Variants in THADA observed in about 807,000 individuals in gnomAD.
THADA encodes tRNA (32-2'-O)-methyltransferase regulator THADA.
THADA carries 213 observed loss-of-function variants against 219.8 expected under a neutral mutation model. The observed-to-expected ratio is 0.97, with a 90% CI of 0.87 to 1.09. The LOEUF (loss-of-function observed/expected upper bound fraction) is 1.09, where lower values mean the gene tolerates loss of function less well. Among genes scored for constraint, THADA ranks in the 50% least tolerant of loss-of-function variants. The probability of loss-of-function intolerance (pLI) is 0.00; values close to 1 mark genes in which losing one functional copy is unlikely to be tolerated. For synonymous variants in THADA, 1,018 were observed against 828.9 expected (o/e 1.23, Z -3.92); for missense variants, 2,956 against 2,311.3 (o/e 1.28, Z -5.72).
chr2:43,536,229 C>T (rs377534808), intron 21 of THADA, among the ~76,000 whole-genome samples: 2 of 152,110 alleles, frequency 1.3e-5, no homozygotes, highest in Non-Finnish European at 2.9e-5. Flanking sequence ...AATGAGAGTT[C>T]GTGGAGCCTT....
At chr2:43,291,537 C>T (rs991677832) in intron 34 of THADA, among the ~76,000 whole-genome samples, 159 bp downstream of exon 34, 4 of 146,006 alleles carry the variant, frequency 2.7e-5, no homozygotes, top group Non-Finnish European at 4.5e-5. Context: ...TGAAGTTATA[C>T]TCGAATTGAA....
At chr2:43,422,676 T>C (rs1006864730) in intron 28 of THADA, among the ~76,000 whole-genome samples, 1 of 152,232 alleles carries the variant, frequency 6.6e-6, no homozygotes, top group Non-Finnish European at 1.5e-5. Context: ...TATATATCTC[T>C]ATTAAATGTT....
chr2:43,459,460 T>C (rs1273152886), intron 26 of THADA, among the ~76,000 whole-genome samples: 7 of 152,322 alleles, frequency 4.6e-5, no homozygotes, highest in Middle Eastern at 3.4e-3. Context: ...GGCACTGCTC[T>C]AGGTGTTGAA....
Position 43,577,140 on chromosome 2 carries a change from C to G in THADA, c.919G>C (p.Val307Leu). 1 of 1,611,916 alleles carries G rather than the reference C, an allele frequency of 6.2e-7. No homozygotes were observed. Among genetic ancestry groups the G allele is most frequent in the Non-Finnish European group, 8.5e-7 (1 of 1,179,118 alleles). The change falls in exon 10 of 38, where the codon GTC becomes CTC. Residue 307 changes from valine to leucine, a missense_variant. Transcript: ENST00000405975. The part of the protein sequence containing the change: ...LCCGDISQSA[V>L]LFLCQGTLAM... ...AGTGTCCCCTGACAGAGGAATAAGA[C>G]AGCTGACTGAGAGATGTCACCACAA...
intron 26 of THADA, among the ~76,000 whole-genome samples, chr2:43,439,198 C>G (rs1025693638): frequency 1.3e-5 from 2 of 152,066 alleles, no homozygotes; most frequent in East Asian, 3.9e-4. Flanking sequence ...CGGAAAATTC[C>G]AGAACTAAAC....
intron 36 of THADA, among the ~76,000 whole-genome samples, chr2:43,258,638 G>A (rs1015657736): frequency 6.6e-6 from 1 of 152,178 alleles, no homozygotes; most frequent in African/African-American, 2.4e-5. Context: ...TTACACAAGA[G>A]ACCAAATCAT....
intron 15 of THADA, among the ~76,000 whole-genome samples, chr2:43,560,711 T>C (rs756925811): frequency 2.0e-5 from 3 of 152,070 alleles, no homozygotes; most frequent in Non-Finnish European, 4.4e-5. Flanking sequence ...TAATAAAACT[T>C]CTTGACCTAG....
intron 26 of THADA, among the ~76,000 whole-genome samples, chr2:43,461,188 T>C (rs949411224): frequency 6.6e-6 from 1 of 152,208 alleles, no homozygotes; most frequent in African/African-American, 2.4e-5. Context: ...TAATGAACTG[T>C]GTCTGGGTCT....
chr2:43,238,344 C>G (rs1472208921), intron 36 of THADA, among the ~76,000 whole-genome samples: 1 of 152,028 alleles, frequency 6.6e-6, no homozygotes, highest in African/African-American at 2.4e-5. Context: ...ATAAAGAACT[C>G]TTAATACTCT....
At chr2:43,589,089 G>C (rs1442854440) in intron 4 of THADA, among the ~76,000 whole-genome samples, 2 of 152,034 alleles carry the variant, frequency 1.3e-5, no homozygotes, top group African/African-American at 4.8e-5. Flanking sequence ...ATTACAAATA[G>C]TATTACCATA....
chr2:43,372,478 T>C lies in THADA; in HGVS notation c.4227+25493A>G, dbSNP rs1049223833. Among the ~76,000 whole-genome samples, 5 of 152,186 alleles carry C rather than the reference T, an allele frequency of 3.3e-5. No individual in the cohort carries two copies. The East Asian group carries it at 9.6e-4, about 29-fold the overall frequency. ...CTAGAAAAATCTCACTCTTTTTTAA[T>C]GATGAAGTGACAGGTGAAGTGGCCA... On this transcript the variant is annotated intron_variant, in intron 29 of 37. Transcript: ENST00000405975.
intron 28 of THADA, among the ~76,000 whole-genome samples, chr2:43,403,397 T>C (rs1253604344): frequency 1.3e-5 from 2 of 152,216 alleles, no homozygotes; most frequent in African/African-American, 2.4e-5. Flanking sequence ...AGGCTCTATA[T>C]GTGGTACCTC....
chr2:43,529,208 A>C (rs905605349), intron 21 of THADA, among the ~76,000 whole-genome samples: 4 of 151,796 alleles, frequency 2.6e-5, no homozygotes, highest in Non-Finnish European at 1.5e-5. Flanking sequence ...GCTGGAGTGC[A>C]GTGGCACAAT....
intron 29 of THADA, among the ~76,000 whole-genome samples, chr2:43,357,660 T>C (rs1468626486): frequency 6.6e-6 from 1 of 152,194 alleles, no homozygotes; most frequent in Non-Finnish European, 1.5e-5. Flanking sequence ...GGGATAGTCC[T>C]ACATATATCC....
chr2:43,506,214 A>G (rs553387343), intron 23 of THADA, among the ~76,000 whole-genome samples: 26 of 152,212 alleles, frequency 1.7e-4, no homozygotes, highest in Non-Finnish European at 2.9e-4. Flanking sequence ...CAAAAGAATC[A>G]TTACTTGGAG....
chr2:43,568,123 G>A lies in THADA; in HGVS notation c.2188-1302C>T, dbSNP rs966056814. ...TTACTAGCTGAGGAACCTTACACAG[G>A]TTATTGAACTTCACTGAGCTTCAGC... On this transcript the variant is annotated intron_variant, in intron 14 of 37. Coordinates refer to ENST00000405975, the MANE Select transcript of THADA (RefSeq NM_022065.5). Among the ~76,000 whole-genome samples, 15 of 152,152 alleles carry A rather than the reference G, an allele frequency of 9.9e-5. 1 individual carries two copies. Among genetic ancestry groups the A allele is most frequent in the African/African-American group, 3.6e-4 (15 of 41,420 alleles).
rs376783414 is a variant in THADA, at chr2:43,556,519, A to C, written c.2500T>G (p.Leu834Val). Residue 834 changes from leucine (L) to valine (V), a missense_variant, in exon 17 of 38, where the codon TTG (leucine) becomes GTG (valine). Leu to Val is a conservative substitution (Grantham distance 32, BLOSUM62 1). Coordinates refer to ENST00000405975, the MANE Select transcript of THADA (RefSeq NM_022065.5). ...GKLQGLFQAA[L>V]ELSTSTKPYD... Reference sequence around the variant, plus strand: ...GGTTTGGTGCTTGTGCTGAGCTCCAATGCTGCCTGAAATAAGCCTTGCAGT... The same window carrying C: ...GGTTTGGTGCTTGTGCTGAGCTCCACTGCTGCCTGAAATAAGCCTTGCAGT... 5 of 1,613,732 alleles carry C rather than the reference A, an allele frequency of 3.1e-6. No homozygotes were observed. The highest frequency in any genetic ancestry group is 2.2e-5 in the South Asian group (2 of 91,090).
At chr2:43,539,802 G>T (rs567543970) in intron 21 of THADA, among the ~76,000 whole-genome samples, 27 of 145,010 alleles carry the variant, frequency 1.9e-4, no homozygotes, top group African/African-American at 6.5e-4. Flanking sequence ...TGTGATAATT[G>T]TTTTTTTTTT....
chr2:43,518,305 A>C (rs922360105), intron 22 of THADA, among the ~76,000 whole-genome samples: 1 of 152,338 alleles, frequency 6.6e-6, no homozygotes, highest in African/African-American at 2.4e-5. Context: ...AGAAAGTACA[A>C]ACAAAAATGT....
Sources: gnomAD v4.1 joint callset for allele counts (sites outside exome capture counted in the v4.1 genomes callset) on GRCh38, gnomAD v4.1.1 for gene constraint, MANE v1.5 for transcripts, NCBI Gene and HGNC (gene_info 2026-07-23, HGNC 2026-07-21) for gene names.